The following PPP2R5B variants were observed in gnomAD, a reference collection of about 807,000 sequenced individuals.
PPP2R5B encodes serine/threonine-protein phosphatase 2A 56 kDa regulatory subunit beta isoform.
PPP2R5B carries 19 observed loss-of-function variants against 59.9 expected under a neutral mutation model. That is an observed-to-expected ratio of 0.32 (90% CI 0.22 to 0.47). The LOEUF is 0.47. Ranked by LOEUF, PPP2R5B falls within the 20% of genes least tolerant of loss-of-function variation. PPP2R5B has a pLI of 1.00. For missense variants in PPP2R5B, 441 were observed against 640.2 expected (o/e 0.69, Z 3.36); for synonymous variants, 286 against 260.5 (o/e 1.10, Z -0.94).
rs1945070898 is a variant in PPP2R5B, at chr11:64,918,575, C to T, written c.-265+935C>T. On this transcript the variant is annotated intron_variant, in intron 1 of 4. Transcript: ENST00000526559. ...CGAACTCCTGACCTTAGGTGATCAGCCTGCCTTGGCCTCCCAAAGTGTTGG... is the reference window on the plus strand; with the variant it reads ...CGAACTCCTGACCTTAGGTGATCAGTCTGCCTTGGCCTCCCAAAGTGTTGG... 2.0e-5 allele frequency among the ~76,000 whole-genome samples: 3 copies of T among 152,274 alleles called. No homozygotes were observed. In the South Asian group the frequency reaches 6.2e-4, roughly 32 times the overall value.
Position 64,930,162 on chromosome 11 carries a change from A to G in PPP2R5B, c.723-160A>G, listed in dbSNP as rs1159933451. On this transcript the variant is annotated intron_variant, in intron 6 of 13. Transcript: ENST00000164133. ...TCAGTGTGGGGGGGCGGGGATCTCA[A>G]TGGGGCCTGGTTTGGGATGTTGGGA... Among the ~76,000 whole-genome samples the G allele has an allele frequency of 4.0e-5, 6 of 151,420 alleles. No homozygotes were observed. In the South Asian group the frequency reaches 1.3e-3, roughly 32 times the overall value.
At position 64,925,772 on chromosome 11, in the gene PPP2R5B, G is replaced by GCCCCCCCCC; in HGVS notation, c.42_43insCCCCCCCCC (p.Pro14_Ser15insProProPro). 6.4e-7 allele frequency: 1 copy of GCCCCCCCCC among 1,560,964 alleles called. No individual in the cohort carries two copies. The highest frequency in any genetic ancestry group is 1.1e-5 in the South Asian group (1 of 88,418). On this transcript the variant is annotated inframe_insertion, in exon 2 of 14. Transcript: ENST00000164133. This position sits in a 1 kb window ranked among gnomAD's most constrained non-coding sequence, Gnocchi z 4.6. ...CTGCCCCCTGCAAGCACCCCCACTA[G>GCCCCCCCCC]CCCCTCCTCCCCCGGGCTGTCGCCT...
At chr11:64,926,598 A>T (rs1307521680) in intron 2 of PPP2R5B, 114 bp from the exon 3 acceptor site, 4 of 1,128,774 alleles carry the variant, frequency 3.5e-6, no homozygotes, top group Non-Finnish European at 3.8e-6. Flanking sequence ...GCACAAGAGC[A>T]TGGGGCCTGG....
At chr11:64,926,489 C>A (rs1012683202) in intron 2 of PPP2R5B, among the ~76,000 whole-genome samples, 4 of 152,248 alleles carry the variant, frequency 2.6e-5, no homozygotes, top group African/African-American at 4.8e-5. Flanking sequence ...GGCCATCATA[C>A]TCTCTGAGCC....
rs1945191576 is a variant in PPP2R5B at position 64,928,390 on chromosome 11, C to T, written c.687C>T (p.Ala229=). Residue 229 remains alanine (A), a synonymous_variant, in exon 6 of 14, where the codon GCC becomes GCT. Transcript: ENST00000164133. The part of the protein sequence containing the change: ...RVYGKFLGLR[A]YIRKQCNHIF... ...ATGGCAAGTTCCTGGGTCTCCGGGC[C>T]TACATCCGCAAACAGTGCAACCACA... 1.2e-6 allele frequency: 2 copies of T among 1,614,258 alleles called. No individual in the cohort carries two copies. Among genetic ancestry groups the T allele is most frequent in the South Asian group, 2.2e-5 (2 of 91,092 alleles).
At chr11:64,919,233 C>T (rs550017792) in intron 1 of PPP2R5B, among the ~76,000 whole-genome samples, 2 of 152,162 alleles carry the variant, frequency 1.3e-5, no homozygotes, top group Admixed American at 6.5e-5. Context: ...GTCCCAGCTA[C>T]TCGGGAGGCT....
chr11:64,926,598 A>G lies in PPP2R5B; in HGVS notation c.200-114A>G, dbSNP rs1307521680. On this transcript the variant is annotated intron_variant, in intron 2 of 13. Coordinates refer to ENST00000164133, the MANE Select transcript of PPP2R5B (RefSeq NM_006244.4). ...AAGGAGCAGGAGATGGCACAAGAGCATGGGGCCTGGGGGCAGCAGAGGCAG... is the reference window on the plus strand; with the variant it reads ...AAGGAGCAGGAGATGGCACAAGAGCGTGGGGCCTGGGGGCAGCAGAGGCAG... 4 of 1,128,774 alleles carry G rather than the reference A, an allele frequency of 3.5e-6. No homozygotes were observed. The East Asian group carries it at 7.3e-5, about 20-fold the overall frequency. 69.9% of individuals were successfully genotyped at this position (1,128,774 alleles called of 1,614,324 possible). A position where few individuals can be genotyped will look rare whatever the true frequency, so the allele number is the denominator to read the frequency against.
chr11:64,927,296 G>A (rs1168036067), intron 3 of PPP2R5B, among the ~76,000 whole-genome samples: 11 of 152,264 alleles, frequency 7.2e-5, no homozygotes, highest in African/African-American at 2.7e-4. Context: ...AGGCAGGGAT[G>A]TGTCCCATTC....
intron 6 of PPP2R5B, 123 bp from the exon 7 acceptor site, chr11:64,930,195 GCAGC>G: frequency 9.6e-7 from 1 of 1,040,940 alleles, no homozygotes; most frequent in South Asian, 1.4e-5. Context: ...GGAAGGGAGC[GCAGC>G]CTCTGGGTTG....
chr11:64,933,010 CA>C (rs1050832542), intron 12 of PPP2R5B, 118 bp downstream of exon 12: 9 of 1,527,600 alleles, frequency 5.9e-6, no homozygotes, highest in Non-Finnish European at 8.1e-6. Flanking sequence ...AAAGATGGCC[CA>C]GGGGTGGTGA....
chr11:64,927,560 C>T (rs946649483), intron 3 of PPP2R5B, among the ~76,000 whole-genome samples: 33 of 152,050 alleles, frequency 2.2e-4, no homozygotes, highest in African/African-American at 4.8e-4. Context: ...AAAAATTTGC[C>T]GGGCATAGTG....
intron 8 of PPP2R5B, among the ~76,000 whole-genome samples, chr11:64,930,982 T>C (rs1393116973): frequency 6.6e-6 from 1 of 152,098 alleles, no homozygotes; most frequent in Admixed American, 6.6e-5. Flanking sequence ...CAAGCAGTCC[T>C]CCCTTCTCAG....
In PPP2R5B at chr11:64,925,485, C is replaced by T; in HGVS notation, c.-250C>T. ...GTTTTCAAAAGAGCCAGGGTGGGAA[C>T]CCTAACTGGACTCTTCGGGACCCCC... On this transcript the variant is annotated 5_prime_UTR_variant, in exon 2 of 14. Transcript: ENST00000164133. This position sits in a 1 kb window ranked among gnomAD's most constrained non-coding sequence, Gnocchi z 4.6. 1 of 432,804 alleles carries T rather than the reference C, an allele frequency of 2.3e-6. No homozygotes were observed. Among genetic ancestry groups the T allele is most frequent in the Non-Finnish European group, 4.2e-6 (1 of 240,910 alleles). The allele number at this position is 432,804 out of a possible 1,614,324, so 26.8% of individuals were successfully genotyped here.
Position 64,931,387 on chromosome 11 carries a change from G to A in PPP2R5B, c.892-49G>A. 6.3e-7 allele frequency: 1 copy of A among 1,594,822 alleles called. No homozygotes were observed. The highest frequency in any genetic ancestry group is 8.6e-7 in the Non-Finnish European group (1 of 1,163,810). On this transcript the variant is annotated intron_variant, in intron 8 of 13. Transcript: ENST00000164133. This position sits in a 1 kb window ranked among gnomAD's most constrained non-coding sequence, Gnocchi z 5.0. ...CCTGGACAGCAAGTCCTTGGCGCCT[G>A]GTGCCTTCCTGACCTGTCTTCCTTC...
At position 64,928,101 on chromosome 11, in the gene PPP2R5B, C is replaced by T. The variant is rs995688391; in HGVS notation, c.534C>T (p.Ser178=). The T allele has an allele frequency of 1.2e-5, 20 of 1,614,196 alleles. No individual in the cohort carries two copies. The highest frequency in any genetic ancestry group is 1.4e-5 in the Non-Finnish European group (16 of 1,180,030). The part of the protein sequence containing the change: ...VYEFFLRFLE[S]PDFQPSVAKR... ...AGTTTTTCCTGCGTTTCTTGGAGAG[C>T]CCAGACTTCCAGCCCTCCGTGGCCA... Residue 178 remains serine (S), a synonymous_variant, in exon 5 of 14, where the codon AGC becomes AGT. Coordinates refer to ENST00000164133, the MANE Select transcript of PPP2R5B (RefSeq NM_006244.4).
In PPP2R5B at chr11:64,925,623, C is replaced by CCG. The variant is rs1554968352; in HGVS notation, c.-111_-110insGC. 8.5e-5 allele frequency: 48 copies of CCG among 566,246 alleles called. 2 individuals carry two copies. Among genetic ancestry groups the CCG allele is most frequent in the African/African-American group, 5.2e-4 (27 of 51,770 alleles). The allele number at this position is 566,246 out of a possible 1,614,324, so 35.1% of individuals were successfully genotyped here. A position where few individuals can be genotyped will look rare whatever the true frequency, so the allele number is the denominator to read the frequency against. Reference sequence around the variant, plus strand: ...CCAGGACTGTGGTTGTGCCCCCCCCCCAAAGGCCGGACAGGATGGGACCAA... The same window carrying CCG: ...CCAGGACTGTGGTTGTGCCCCCCCCCCGCAAAGGCCGGACAGGATGGGACCAA... On this transcript the variant is annotated 5_prime_UTR_variant, in exon 2 of 14. Coordinates refer to ENST00000164133, the MANE Select transcript of PPP2R5B (RefSeq NM_006244.4). This position sits in a 1 kb window ranked among gnomAD's most constrained non-coding sequence, Gnocchi z 4.6.
chr11:64,933,617 AGTGAGGGAGTCTGGACT>A (rs912710938), intron 13 of PPP2R5B, 63 bp from the exon 14 acceptor site: 44 of 1,452,702 alleles, frequency 3.0e-5, no homozygotes, highest in East Asian at 7.5e-5. Flanking sequence ...GTGGGGTGGT[AGTGAGGGAGTCTGGACT>A]GTGAGGGAGT....
chr11:64,930,393 T>C lies in PPP2R5B; in HGVS notation c.782+12T>C. On this transcript the variant is annotated intron_variant, in intron 7 of 13. Coordinates refer to ENST00000164133, the MANE Select transcript of PPP2R5B (RefSeq NM_006244.4). ...GAGATCCTAGGAAGGTGATTCTCCC[T>C]GGGCCTCAGCTGGAGCTCAGGATTC... The C allele has an allele frequency of 6.2e-7, 1 of 1,614,032 alleles. No homozygotes were observed. Among genetic ancestry groups the C allele is most frequent in the Admixed American group, 1.7e-5 (1 of 60,024 alleles).
At chr11:64,921,951 A>G (rs1364117439), upstream of PPP2R5B, among the ~76,000 whole-genome samples, 1 of 152,194 alleles carries the variant, frequency 6.6e-6, no homozygotes, top group Non-Finnish European at 1.5e-5. Flanking sequence ...ATGGTGGCTC[A>G]CACCTGTAGT....
Sources: allele counts gnomAD v4.1 joint callset (sites outside exome capture counted in the v4.1 genomes callset), GRCh38; gene constraint gnomAD v4.1.1; non-coding constraint Gnocchi (gnomAD v3.1); transcripts MANE v1.5; gene names NCBI Gene and HGNC (gene_info 2026-07-23, HGNC 2026-07-21).